The following TMEM260 variants were observed in gnomAD, a reference collection of about 807,000 sequenced individuals.
The protein encoded by TMEM260 is protein O-mannosyl-transferase TMEM260.
In TMEM260, 82 loss-of-function variants were observed where a neutral mutation model predicts 88.9. That is an observed-to-expected ratio of 0.92 (90% confidence interval 0.77 to 1.11). TMEM260 has a LOEUF of 1.11. Among genes scored for constraint, TMEM260 ranks in the 50% least tolerant of loss-of-function variants. The pLI is 0.00. For missense variants in TMEM260, 902 were observed against 853.4 expected, an observed-to-expected ratio of 1.06 and a Z score of -0.71; for synonymous variants, 314 against 309.3, an observed-to-expected ratio of 1.02 and a Z score of -0.16.
chr14:56,655,589 T>C (rs1052159683), downstream of TMEM260, among the ~76,000 whole-genome samples: 1 of 152,146 alleles, frequency 6.6e-6, no homozygotes. Flanking sequence ...CACTTGTCCC[T>C]TGCTGAACAA....
At chr14:56,646,321 A>G (rs1889964590) in intron 15 of TMEM260, among the ~76,000 whole-genome samples, 1 of 152,242 alleles carries the variant, frequency 6.6e-6, no homozygotes, top group African/African-American at 2.4e-5. Context: ...GTAATGTCTA[A>G]TTCAAAAAGC....
intron 1 of TMEM260, among the ~76,000 whole-genome samples, chr14:56,583,172 G>C (rs1159138788): frequency 6.6e-6 from 1 of 152,186 alleles, no homozygotes; most frequent in African/African-American, 2.4e-5. Context: ...AGACTTAAGA[G>C]CTAATCCATT....
chr14:56,602,484 T>A (rs1886637598), intron 3 of TMEM260, among the ~76,000 whole-genome samples: 1 of 152,162 alleles, frequency 6.6e-6, no homozygotes, highest in Non-Finnish European at 1.5e-5. Flanking sequence ...GGAGAGTCCT[T>A]AAGTTTTTGG....
chr14:56,619,567 A>G (rs1411861241), intron 10 of TMEM260: 1 of 152,202 alleles, frequency 6.6e-6, no homozygotes, highest in African/African-American at 2.4e-5. Context: ...AACCATTACA[A>G]TAAAAATCTC....
At chr14:56,639,879 C>G (rs181583606) in intron 15 of TMEM260, among the ~76,000 whole-genome samples, 1 of 152,334 alleles carries the variant, frequency 6.6e-6, no homozygotes, top group Non-Finnish European at 1.5e-5. Context: ...CAGAACCTCA[C>G]TCATTGCTAG....
intron 15 of TMEM260, among the ~76,000 whole-genome samples, chr14:56,639,659 C>T (rs1037185535): frequency 6.6e-6 from 1 of 152,164 alleles, no homozygotes; most frequent in African/African-American, 2.4e-5. Flanking sequence ...TGCAGTGCAC[C>T]ATGTGTGAGC....
At chr14:56,645,502 G>C (rs534904468) in intron 15 of TMEM260, among the ~76,000 whole-genome samples, 3,541 of 129,784 alleles carry the variant, frequency 0.027, 134 homozygotes, top group African/African-American at 0.083. Context: ...GTGGGGTGGG[G>C]GTAGGGGGGA....
In TMEM260 at chr14:56,586,936, T is replaced by G. The variant is rs115975148; in HGVS notation, c.344+1024T>G. Among the ~76,000 whole-genome samples, 679 of 151,970 alleles carry G rather than the reference T, an allele frequency of 4.5e-3. 2 individuals are homozygous for G. The highest frequency in any genetic ancestry group is 0.016 in the African/African-American group (648 of 41,562). On this transcript the variant is annotated intron_variant, in intron 3 of 15. Transcript: ENST00000261556. Reference sequence around the variant, plus strand: ...AACTGTTGATCTTTTCCCAAATTGTTATATTATTAAATTTGTTATTTTAGT... The same window carrying G: ...AACTGTTGATCTTTTCCCAAATTGTGATATTATTAAATTTGTTATTTTAGT...
intron 14 of TMEM260, 69 bp from the exon 15 acceptor site, chr14:56,636,439 A>AGATT: frequency 2.4e-6 from 3 of 1,238,932 alleles, no homozygotes; most frequent in Non-Finnish European, 3.6e-6. Flanking sequence ...GAAGCCTGGA[A>AGATT]GATTTAGCTA....
chr14:56,661,938 G>T, the TMEM260 span, among the ~76,000 whole-genome samples: 1 of 152,186 alleles, frequency 6.6e-6, no homozygotes, highest in Non-Finnish European at 1.5e-5. Flanking sequence ...TCATTAGAAA[G>T]GTTGTGACAG....
intron 15 of TMEM260, among the ~76,000 whole-genome samples, chr14:56,644,808 AAAC>A (rs1889844189): frequency 6.6e-6 from 1 of 152,194 alleles, no homozygotes; most frequent in Non-Finnish European, 1.5e-5. Flanking sequence ...ACAAGAAAAA[AAAC>A]AACCCCATCA....
At chr14:56,605,708 A>G in intron 5 of TMEM260, 25 bp downstream of exon 5, 1 of 1,383,624 alleles carries the variant, frequency 7.2e-7, no homozygotes, top group Non-Finnish European at 1.0e-6. Context: ...TTTGTAAAAA[A>G]AAGTACAATA....
chr14:56,640,800 A>G (rs1209983830), intron 15 of TMEM260, among the ~76,000 whole-genome samples: 2 of 152,076 alleles, frequency 1.3e-5, no homozygotes, highest in Non-Finnish European at 2.9e-5. Context: ...AGAAGTCCTT[A>G]AAGGACCTGA....
the TMEM260 span, among the ~76,000 whole-genome samples, chr14:56,657,995 C>T: frequency 2.6e-5 from 4 of 152,236 alleles, no homozygotes; most frequent in African/African-American, 9.6e-5. Flanking sequence ...ACCTCTCCCA[C>T]TGCCACCCAT....
the TMEM260 span, among the ~76,000 whole-genome samples, chr14:56,661,420 C>T: frequency 0.058 from 8,850 of 151,940 alleles, 558 homozygotes; most frequent in African/African-American, 0.15. Context: ...CTTGTTAGCT[C>T]TGAATTTTGT....
intron 14 of TMEM260, 150 bp downstream of exon 14, chr14:56,635,102 A>C: frequency 3.1e-6 from 2 of 648,914 alleles, no homozygotes; most frequent in Non-Finnish European, 5.4e-6. Context: ...TGTACTAATC[A>C]TTATACATGA....
At chr14:56,636,169 C>CTTCAGGGATG (rs1036691138) in intron 14 of TMEM260, among the ~76,000 whole-genome samples, 1 of 152,154 alleles carries the variant, frequency 6.6e-6, no homozygotes, top group Non-Finnish European at 1.5e-5. Context: ...TGTTGGGTAC[C>CTTCAGGGATG]TTCAGGGATG....
At chr14:56,623,356 C>G (rs951600595) in intron 11 of TMEM260, among the ~76,000 whole-genome samples, 3 of 152,160 alleles carry the variant, frequency 2.0e-5, no homozygotes, top group Non-Finnish European at 4.4e-5. Context: ...TTCCAAACAT[C>G]ACAACCTAAA....
chr14:56,638,715 G>A (rs1262462279), intron 15 of TMEM260, among the ~76,000 whole-genome samples: 1 of 152,094 alleles, frequency 6.6e-6, no homozygotes. Context: ...CTTCTTAGGT[G>A]TAAAGAATAT....
Sources: allele counts gnomAD v4.1 joint callset (sites outside exome capture counted in the v4.1 genomes callset), GRCh38; gene constraint gnomAD v4.1.1; transcripts MANE v1.5; gene names NCBI Gene and HGNC (gene_info 2026-07-23, HGNC 2026-07-21).